CDC42SE2: variants seen among roughly 807,000 people sequenced by gnomAD.
CDC42SE2 encodes the protein CDC42 small effector protein 2.
Under a neutral mutation model 11.5 loss-of-function variants are expected in CDC42SE2, and 3 were observed. The ratio of observed to expected loss-of-function variants is 0.26; its 90% CI spans 0.12 to 0.67. The LOEUF (loss-of-function observed/expected upper bound fraction) is 0.67, where lower values mean the gene tolerates loss of function less well. Among genes scored for constraint, CDC42SE2 ranks in the 30% least tolerant of loss-of-function variants. CDC42SE2 has a pLI of 0.80. For synonymous variants in CDC42SE2, 33 were observed against 34.8 expected (o/e 0.95, Z 0.18); for missense variants, 82 against 106.8 (o/e 0.77, Z 1.02).
intron 2 of CDC42SE2, among the ~76,000 whole-genome samples, chr5:131,342,388 C>CTTTTTTTTTTTTTTTTTTTTTTTTTTTTT (rs35818778): frequency 1.8e-5 from 2 of 111,332 alleles, no homozygotes; most frequent in Admixed American, 9.0e-5. Context: ...TTTTAATAGT[C>CTTTTTTTTTTTTTTTTTTTTTTTTTTTTT]TTTTTTTTTT....
At chr5:131,378,147 A>G (rs1259358240) in intron 3 of CDC42SE2, among the ~76,000 whole-genome samples, 3 of 152,194 alleles carry the variant, frequency 2.0e-5, no homozygotes, top group African/African-American at 7.2e-5. Context: ...TCAACTCGGA[A>G]TGTTTATGTT....
At chr5:131,359,058 A>G (rs889887856) in intron 2 of CDC42SE2, among the ~76,000 whole-genome samples, 151 bp from the exon 3 acceptor site, 2 of 152,244 alleles carry the variant, frequency 1.3e-5, no homozygotes, top group Non-Finnish European at 2.9e-5. Context: ...AAAGTTGCTC[A>G]AAAAATAATT....
rs1758994855 is a variant in CDC42SE2 at position 131,351,003 on chromosome 5, T to C, written c.-285-8206T>C. Among the ~76,000 whole-genome samples, 3 of 152,138 alleles carry C rather than the reference T, an allele frequency of 2.0e-5. No individual in the cohort carries two copies. The South Asian group carries it at 6.2e-4, about 32-fold the overall frequency. ...CTCTGTCGCTCAGGCTGGAGTACAG[T>C]GTTACAGTCATGGCTCACTGCAGCC... On this transcript the variant is annotated intron_variant, in intron 2 of 4. Coordinates refer to ENST00000505065, the MANE Select transcript of CDC42SE2 (RefSeq NM_001375635.1).
chr5:131,273,140 A>G (rs1020304135), intron 1 of CDC42SE2, among the ~76,000 whole-genome samples: 1 of 147,010 alleles, frequency 6.8e-6, no homozygotes, highest in Non-Finnish European at 1.5e-5. Context: ...ATATATATAT[A>G]TTTTACATTT....
chr5:131,232,103 C>A, the CDC42SE2 span, among the ~76,000 whole-genome samples: 1 of 151,160 alleles, frequency 6.6e-6, no homozygotes, highest in East Asian at 2.0e-4. Flanking sequence ...AATTACTGTA[C>A]ATTTGTTACC....
chr5:131,351,230 G>A (rs1243994735), intron 2 of CDC42SE2, among the ~76,000 whole-genome samples: 4 of 151,924 alleles, frequency 2.6e-5, no homozygotes, highest in Non-Finnish European at 5.9e-5. Flanking sequence ...GATTATAGGC[G>A]TGAACCACCA....
intron 2 of CDC42SE2, among the ~76,000 whole-genome samples, chr5:131,317,361 T>C (rs994482870): frequency 9.2e-5 from 14 of 152,216 alleles, no homozygotes; most frequent in African/African-American, 3.1e-4. Flanking sequence ...AAAAACAGAA[T>C]AGTTTGCCTT....
At chr5:131,218,219 A>G in the CDC42SE2 span, among the ~76,000 whole-genome samples, 3 of 151,990 alleles carry the variant, frequency 2.0e-5, no homozygotes, top group Admixed American at 1.3e-4. Flanking sequence ...AAAGAAAAAG[A>G]AAAATGAGCA....
At chr5:131,361,931 C>G (rs1200504243) in intron 3 of CDC42SE2, among the ~76,000 whole-genome samples, 1 of 152,120 alleles carries the variant, frequency 6.6e-6, no homozygotes, top group Non-Finnish European at 1.5e-5. Flanking sequence ...TCTTCTTCCG[C>G]TGATGTGCTC....
chr5:131,319,511 G>A (rs1279356598), intron 2 of CDC42SE2, among the ~76,000 whole-genome samples: 2 of 152,064 alleles, frequency 1.3e-5, no homozygotes, highest in African/African-American at 2.4e-5. Flanking sequence ...CCCTTAGCAA[G>A]CACCACTACT....
chr5:131,374,407 T>C (rs1236363182), intron 3 of CDC42SE2, among the ~76,000 whole-genome samples: 3 of 151,904 alleles, frequency 2.0e-5, no homozygotes, highest in African/African-American at 7.3e-5. Flanking sequence ...TGCAGGTGCC[T>C]GTAATCCCAG....
chr5:131,364,921 TG>T (rs1455885141), intron 3 of CDC42SE2, among the ~76,000 whole-genome samples: 24 of 152,260 alleles, frequency 1.6e-4, no homozygotes, highest in Admixed American at 1.5e-3. Flanking sequence ...TCAAGGGAAG[TG>T]GTTGAGGAAA....
At chr5:131,375,954 C>T (rs1217508342) in intron 3 of CDC42SE2, among the ~76,000 whole-genome samples, 2 of 152,152 alleles carry the variant, frequency 1.3e-5, no homozygotes, top group East Asian at 3.9e-4. Flanking sequence ...AGACTCCCAT[C>T]TTGGCCAGGC....
At chr5:131,326,614 C>G (rs1279471260) in intron 2 of CDC42SE2, among the ~76,000 whole-genome samples, 1 of 152,042 alleles carries the variant, frequency 6.6e-6, no homozygotes, top group Non-Finnish European at 1.5e-5. Context: ...AGCTTTTTCT[C>G]CCTCCATTTT....
At chr5:131,226,752 C>T in the CDC42SE2 span, among the ~76,000 whole-genome samples, 4,681 of 152,254 alleles carry the variant, frequency 0.031, 232 homozygotes, top group African/African-American at 0.1. Context: ...GGTTATTTAT[C>T]CAATTCTGGC....
intron 1 of CDC42SE2, among the ~76,000 whole-genome samples, chr5:131,309,848 T>G (rs2062643427): frequency 6.6e-6 from 1 of 152,178 alleles, no homozygotes; most frequent in Non-Finnish European, 1.5e-5. Context: ...TTTTTCTTTA[T>G]TAGTCTTGCT....
intron 2 of CDC42SE2, among the ~76,000 whole-genome samples, chr5:131,353,307 G>A (rs1287128056): frequency 1.3e-5 from 2 of 149,884 alleles, no homozygotes; most frequent in African/African-American, 4.9e-5. Context: ...TTGGAGACAC[G>A]GTCTTGTTCT....
intron 2 of CDC42SE2, among the ~76,000 whole-genome samples, chr5:131,349,529 T>C (rs1224055634): frequency 6.6e-6 from 1 of 152,244 alleles, no homozygotes; most frequent in African/African-American, 2.4e-5. Flanking sequence ...CTGTTAGTAC[T>C]TAAACTTTTC....
rs180783788 is a variant in CDC42SE2 at position 131,337,746 on chromosome 5, G to A, written c.-285-21463G>A. Among the ~76,000 whole-genome samples, 402 of 152,332 alleles carry A rather than the reference G, an allele frequency of 2.6e-3. 3 individuals carry two copies. Among genetic ancestry groups the A allele is most frequent in the Admixed American group, 6.5e-3 (99 of 15,306 alleles). On this transcript the variant is annotated intron_variant, in intron 2 of 4. Coordinates refer to ENST00000505065, the MANE Select transcript of CDC42SE2 (RefSeq NM_001375635.1). ...CTGTGCTAGCAATGAGCGAGGCTCC[G>A]TGAGGGTAGGACCCTCTGAGCCATG... is the stretch of plus-strand genomic sequence containing the variant.
Sources: gnomAD v4.1 joint callset for allele counts (sites outside exome capture counted in the v4.1 genomes callset) on GRCh38, gnomAD v4.1.1 for gene constraint, MANE v1.5 for transcripts, NCBI Gene and HGNC (gene_info 2026-07-23, HGNC 2026-07-21) for gene names.